Variants in USP13 observed in about 807,000 individuals in gnomAD.
USP13 encodes ubiquitin carboxyl-terminal hydrolase 13.
In USP13, 68 loss-of-function variants were observed where a neutral mutation model predicts 107.8. The ratio of observed to expected loss-of-function variants is 0.63; its 90% CI spans 0.52 to 0.77. The LOEUF is 0.77. USP13 is among the 30% of genes least tolerant of loss of function. The pLI, the probability that USP13 is intolerant of heterozygous loss-of-function variation, is 0.00. For missense variants in USP13, 945 were observed against 1,093.3 expected (o/e 0.86, Z 1.91); for synonymous variants, 377 against 389.5 (o/e 0.97, Z 0.38).
chr3:179,728,928 A>G (rs1460088093), intron 8 of USP13, among the ~76,000 whole-genome samples: 1 of 141,148 alleles, frequency 7.1e-6, no homozygotes. Flanking sequence ...TCAGCTCGGC[A>G]TCAGAGGGAG....
chr3:179,717,534 A>G (rs79588625), intron 6 of USP13, among the ~76,000 whole-genome samples: 1 of 152,340 alleles, frequency 6.6e-6, no homozygotes, highest in East Asian at 1.9e-4. Flanking sequence ...TCCTAGGCCA[A>G]TGCCAGTGGT....
In USP13 at chr3:179,721,280, C is replaced by T; in HGVS notation, c.901-122C>T. 1 of 1,018,346 alleles carries T rather than the reference C, an allele frequency of 9.8e-7. No individual in the cohort carries two copies. The highest frequency in any genetic ancestry group is 1.4e-6 in the Non-Finnish European group (1 of 703,176). 63.1% of individuals were successfully genotyped at this position (1,018,346 alleles called of 1,614,324 possible). A position where few individuals can be genotyped will look rare whatever the true frequency, so the allele number is the denominator to read the frequency against. On this transcript the variant is annotated intron_variant, in intron 7 of 20. Transcript: ENST00000263966. The surrounding 1 kb of genome is among the most constrained non-coding windows in gnomAD (Gnocchi z 4.3). ...TCTTTTTTATTTGCATTGTTTATTT[C>T]TCTATGTAATTGGGGAAAAAAATGG...
At chr3:179,654,609 T>A (rs1720196569) in intron 1 of USP13, among the ~76,000 whole-genome samples, 2 of 152,170 alleles carry the variant, frequency 1.3e-5, no homozygotes, top group South Asian at 4.1e-4. Context: ...CCACTTTAGA[T>A]CTCATATGTC....
intron 18 of USP13, among the ~76,000 whole-genome samples, chr3:179,765,047 C>A (rs1715129486): frequency 6.6e-6 from 1 of 152,194 alleles, no homozygotes; most frequent in Non-Finnish European, 1.5e-5. Flanking sequence ...TATATCTATA[C>A]AAATTCTTTA....
At chr3:179,753,007 C>T (rs1481018394) in intron 14 of USP13, among the ~76,000 whole-genome samples, 14 of 152,078 alleles carry the variant, frequency 9.2e-5, no homozygotes, top group Admixed American at 7.9e-4. Flanking sequence ...ATTTTCCAGA[C>T]GATACATAAA....
In USP13 at chr3:179,721,251, TCA is replaced by T; in HGVS notation, c.901-150_901-149del. On this transcript the variant is annotated intron_variant, in intron 7 of 20. Coordinates refer to ENST00000263966, the MANE Select transcript of USP13 (RefSeq NM_003940.3). This position sits in a 1 kb window ranked among gnomAD's most constrained non-coding sequence, Gnocchi z 4.3. ...TTTGTTGTGCCACCATCACCGTCTCTCAGTCTTTTTTATTTGCATTGTTTATT... is the reference window on the plus strand; with the variant it reads ...TTTGTTGTGCCACCATCACCGTCTCTGTCTTTTTTATTTGCATTGTTTATT... The T allele has an allele frequency of 1.3e-6, 1 of 778,562 alleles. No homozygotes were observed. Among genetic ancestry groups the T allele is most frequent in the South Asian group, 2.0e-5 (1 of 48,812 alleles). The allele number at this position is 778,562 out of a possible 1,614,324, so 48.2% of individuals were successfully genotyped here. A position where few individuals can be genotyped will look rare whatever the true frequency, so the allele number is the denominator to read the frequency against.
chr3:179,737,142 T>C (rs571124999), intron 10 of USP13, among the ~76,000 whole-genome samples: 1 of 152,298 alleles, frequency 6.6e-6, no homozygotes, highest in Non-Finnish European at 1.5e-5. Context: ...CTTTAGCAGC[T>C]AGTAGGATGG....
chr3:179,667,078 C>T (rs972766679), intron 1 of USP13, among the ~76,000 whole-genome samples: 1 of 152,234 alleles, frequency 6.6e-6, no homozygotes, highest in African/African-American at 2.4e-5. Context: ...CCCTAGCTCT[C>T]ACTTTTAAGC....
intron 19 of USP13, among the ~76,000 whole-genome samples, chr3:179,769,444 G>C (rs1715278689): frequency 6.6e-6 from 1 of 152,174 alleles, no homozygotes; most frequent in African/African-American, 2.4e-5. Flanking sequence ...GTTTTGCTCT[G>C]TTCCCCAGGC....
intron 13 of USP13, among the ~76,000 whole-genome samples, chr3:179,749,768 C>G (rs1714530702): frequency 6.6e-6 from 1 of 152,166 alleles, no homozygotes; most frequent in Admixed American, 6.5e-5. Flanking sequence ...TTGAGTTATT[C>G]CACTACCGCT....
intron 19 of USP13, among the ~76,000 whole-genome samples, chr3:179,777,812 A>G (rs1231244677): frequency 6.6e-6 from 1 of 152,148 alleles, no homozygotes; most frequent in Non-Finnish European, 1.5e-5. Context: ...GGAGAGCAGT[A>G]CTGTCTCTTA....
At chr3:179,748,430 T>C (rs1714486300) in intron 13 of USP13, among the ~76,000 whole-genome samples, 1 of 152,234 alleles carries the variant, frequency 6.6e-6, no homozygotes, top group African/African-American at 2.4e-5. Context: ...GTCTATGTTT[T>C]GTTAATTTGG....
intron 16 of USP13, among the ~76,000 whole-genome samples, chr3:179,759,382 G>A (rs1714926143): frequency 6.6e-6 from 1 of 152,136 alleles, no homozygotes; most frequent in Admixed American, 6.5e-5. Flanking sequence ...TTGTTGAAAG[G>A]TGCCCTGCAG....
At chr3:179,694,014 C>T (rs1421659369) in intron 3 of USP13, among the ~76,000 whole-genome samples, 1 of 151,582 alleles carries the variant, frequency 6.6e-6, no homozygotes, top group Non-Finnish European at 1.5e-5. Context: ...CTGTGTCACT[C>T]AGGCTGGAGT....
chr3:179,780,183 C>A (rs1170314557), intron 19 of USP13, among the ~76,000 whole-genome samples: 1 of 152,208 alleles, frequency 6.6e-6, no homozygotes, highest in Admixed American at 6.5e-5. Flanking sequence ...GATAAGGATG[C>A]CCGCTTTTGA....
intron 10 of USP13, among the ~76,000 whole-genome samples, chr3:179,739,841 G>A (rs1005146628): frequency 2.6e-5 from 4 of 152,186 alleles, no homozygotes; most frequent in Admixed American, 6.5e-5. Context: ...TTACAGGCAT[G>A]AGCCAACACA....
intron 13 of USP13, among the ~76,000 whole-genome samples, chr3:179,751,469 G>A (rs1193288006): frequency 4.6e-5 from 7 of 152,014 alleles, no homozygotes; most frequent in South Asian, 2.1e-4. Context: ...TAAGCCCTTC[G>A]TCCGCCAACT....
chr3:179,701,474 G>A lies in USP13; in HGVS notation c.477+345G>A, dbSNP rs190057855. 1.9e-3 allele frequency among the ~76,000 whole-genome samples: 284 copies of A among 152,188 alleles called. 3 individuals carry two copies. The highest frequency in any genetic ancestry group is 6.5e-3 in the African/African-American group (272 of 41,530). ...CAAACTCTGCACCCCAGATCTACAGGGACTGCTGGAGAGGGACTCTTTTCT... is the reference window on the plus strand; with the variant it reads ...CAAACTCTGCACCCCAGATCTACAGAGACTGCTGGAGAGGGACTCTTTTCT... On this transcript the variant is annotated intron_variant, in intron 4 of 20. Transcript: ENST00000263966.
intron 1 of USP13, among the ~76,000 whole-genome samples, chr3:179,666,692 TG>T (rs1293556815): frequency 6.6e-6 from 1 of 152,088 alleles, no homozygotes; most frequent in African/African-American, 2.4e-5. Context: ...CTTACTTGAG[TG>T]GGGCTGCTGT....
Sources: allele counts gnomAD v4.1 joint callset (sites outside exome capture counted in the v4.1 genomes callset), GRCh38; gene constraint gnomAD v4.1.1; non-coding constraint Gnocchi (gnomAD v3.1); transcripts MANE v1.5; gene names NCBI Gene and HGNC (gene_info 2026-07-23, HGNC 2026-07-21).